The following RFX4 variants were observed in gnomAD, a reference collection of about 807,000 sequenced individuals.
The protein encoded by RFX4 is regulatory factor X4.
A neutral mutation model predicts 95.0 loss-of-function variants in RFX4; 10 were observed. The ratio of observed to expected loss-of-function variants is 0.11; its 90% CI spans 0.06 to 0.18. The LOEUF (loss-of-function observed/expected upper bound fraction) is 0.18. RFX4 is among the 10% of genes least tolerant of loss of function. The pLI is 1.00. For synonymous variants in RFX4, 321 were observed against 340.7 expected (o/e 0.94, Z 0.64); for missense variants, 640 against 922.0 (o/e 0.69, Z 3.96).
chr12:106,641,430 T>TA (rs2040619843), intron 3 of RFX4, among the ~76,000 whole-genome samples: 1 of 152,200 alleles, frequency 6.6e-6, no homozygotes, highest in Non-Finnish European at 1.5e-5. Flanking sequence ...GCACCTGGCA[T>TA]GGGGTGGGGC....
intron 15 of RFX4, among the ~76,000 whole-genome samples, chr12:106,739,386 CTG>C (rs2042767712): frequency 6.6e-6 from 1 of 152,030 alleles, no homozygotes; most frequent in South Asian, 2.1e-4. Flanking sequence ...CATTTTTCAG[CTG>C]TGAAAAAGGA....
chr12:106,634,130 C>G (rs10778497), intron 2 of RFX4, among the ~76,000 whole-genome samples: 46,393 of 152,182 alleles, frequency 0.3, 7,720 homozygotes, highest in African/African-American at 0.43. Context: ...CTTGGATTCT[C>G]AGATATTTTC....
At chr12:106,640,580 T>C (rs1223406775) in intron 3 of RFX4, among the ~76,000 whole-genome samples, 1 of 152,188 alleles carries the variant, frequency 6.6e-6, no homozygotes, top group African/African-American at 2.4e-5. Context: ...CATTTGTTCC[T>C]ATAGACTTTT....
intron 17 of RFX4, among the ~76,000 whole-genome samples, chr12:106,760,885 T>C (rs890854197): frequency 2.6e-5 from 4 of 152,162 alleles, no homozygotes; most frequent in African/African-American, 7.2e-5. Context: ...ACACACACTT[T>C]CCTGTATTCC....
At chr12:106,713,863 T>C (rs2137507536) in intron 10 of RFX4, among the ~76,000 whole-genome samples, 1 of 150,400 alleles carries the variant, frequency 6.6e-6, no homozygotes, top group South Asian at 2.1e-4. Context: ...AGATCAGGAG[T>C]TCAAGACCAG....
intron 1 of RFX4, among the ~76,000 whole-genome samples, chr12:106,602,831 G>A (rs1413183046): frequency 1.3e-5 from 2 of 151,982 alleles, no homozygotes; most frequent in East Asian, 1.9e-4. Flanking sequence ...CACAAGCATC[G>A]CTACAGCTAT....
intron 4 of RFX4, among the ~76,000 whole-genome samples, chr12:106,677,653 G>T (rs2041420275): frequency 6.6e-6 from 1 of 152,124 alleles, no homozygotes; most frequent in South Asian, 2.1e-4. Flanking sequence ...AGGCTGCAGT[G>T]AGCTAGGATA....
chr12:106,748,782 C>G (rs757217974), intron 16 of RFX4, among the ~76,000 whole-genome samples: 2 of 151,224 alleles, frequency 1.3e-5, no homozygotes, highest in Non-Finnish European at 2.9e-5. Context: ...AACCCCATCT[C>G]CCTACTAAAA....
chr12:106,670,543 G>T (rs2041260889), intron 4 of RFX4, among the ~76,000 whole-genome samples: 1 of 152,188 alleles, frequency 6.6e-6, no homozygotes, highest in South Asian at 2.1e-4. Context: ...CCATAGGCAT[G>T]ATTTGAAATT....
chr12:106,628,762 CTT>C (rs397850563), intron 2 of RFX4, among the ~76,000 whole-genome samples: 242 of 133,192 alleles, frequency 1.8e-3, no homozygotes, highest in African/African-American at 5.2e-3. Flanking sequence ...ATATATGTTC[CTT>C]TTTTTTTTTT....
intron 4 of RFX4, among the ~76,000 whole-genome samples, chr12:106,678,787 T>C (rs1205499899): frequency 6.6e-6 from 1 of 152,230 alleles, no homozygotes; most frequent in East Asian, 1.9e-4. Flanking sequence ...TTTAACATTA[T>C]AAGCATTTTC....
intron 15 of RFX4, among the ~76,000 whole-genome samples, chr12:106,733,779 C>T (rs2042657846): frequency 6.6e-6 from 1 of 152,122 alleles, no homozygotes; most frequent in South Asian, 2.1e-4. Context: ...AAGATATGCA[C>T]AGGAGTCTCA....
intron 6 of RFX4, among the ~76,000 whole-genome samples, chr12:106,688,952 T>C (rs2041723043): frequency 6.6e-6 from 1 of 152,172 alleles, no homozygotes; most frequent in Admixed American, 6.5e-5. Context: ...CTGTGCTAAG[T>C]GCTGGATACA....
intron 2 of RFX4, among the ~76,000 whole-genome samples, chr12:106,636,637 C>T (rs749221757): frequency 2.0e-5 from 3 of 152,112 alleles, no homozygotes; most frequent in South Asian, 4.1e-4. Context: ...GTTGAGTCTA[C>T]GATGTATTTT....
chr12:106,731,792 G>A (rs891441586), intron 13 of RFX4, among the ~76,000 whole-genome samples: 7 of 152,066 alleles, frequency 4.6e-5, no homozygotes, highest in African/African-American at 1.2e-4. Context: ...GAGAGTGAGC[G>A]GTGCTCACAT....
chr12:106,601,038 T>G, intron 1 of RFX4: 1 of 995,832 alleles, frequency 1.0e-6, no homozygotes. Flanking sequence ...AAACAGTAGG[T>G]TCTAAATCAA....
chr12:106,594,887 G>A (rs944867926), intron 1 of RFX4, among the ~76,000 whole-genome samples: 1 of 152,006 alleles, frequency 6.6e-6, no homozygotes, highest in Non-Finnish European at 1.5e-5. Context: ...TGAGAAGGAA[G>A]GGAGAAAGAG....
chr12:106,652,789 G>A (rs934422638), intron 3 of RFX4, among the ~76,000 whole-genome samples: 2 of 152,182 alleles, frequency 1.3e-5, no homozygotes, highest in African/African-American at 4.8e-5. Flanking sequence ...GCCCTTTCAA[G>A]TGGGCACCTT....
intron 15 of RFX4, among the ~76,000 whole-genome samples, chr12:106,743,161 A>G (rs2042835700): frequency 6.6e-6 from 1 of 152,178 alleles, no homozygotes; most frequent in Non-Finnish European, 1.5e-5. Flanking sequence ...AGACCTTTAA[A>G]TAAATAGAAA....
Sources: allele counts gnomAD v4.1 joint callset (sites outside exome capture counted in the v4.1 genomes callset), GRCh38; gene constraint gnomAD v4.1.1; transcripts MANE v1.5; gene names NCBI Gene and HGNC (gene_info 2026-07-23, HGNC 2026-07-21).